Variants in ARAP2 observed in about 807,000 individuals in gnomAD.
The protein encoded by ARAP2 is ArfGAP with RhoGAP domain, ankyrin repeat and PH domain 2, also known as arf-GAP with Rho-GAP domain, ANK repeat and PH domain-containing protein 2.
ARAP2 carries 148 observed loss-of-function variants against 194.5 expected under a neutral mutation model. The observed-to-expected ratio is 0.76, with a 90% CI of 0.67 to 0.87. The LOEUF (loss-of-function observed/expected upper bound fraction) is 0.87, where lower values mean the gene tolerates loss of function less well. Ranked by LOEUF, ARAP2 falls within the 40% of genes least tolerant of loss-of-function variation. ARAP2 has a pLI of 0.00. For synonymous variants in ARAP2, 695 were observed against 683.5 expected (o/e 1.02, Z -0.26); for missense variants, 2,128 against 1,989.7 (o/e 1.07, Z -1.32).
chr4:36,163,545 G>T (rs1353966520), intron 11 of ARAP2, among the ~76,000 whole-genome samples: 2 of 152,070 alleles, frequency 1.3e-5, no homozygotes, highest in Non-Finnish European at 2.9e-5. Context: ...AAAAACCTAT[G>T]CACACTACAA....
intron 2 of ARAP2, among the ~76,000 whole-genome samples, chr4:36,224,947 C>T (rs567515237): frequency 2.0e-5 from 3 of 152,244 alleles, no homozygotes; most frequent in African/African-American, 4.8e-5. Context: ...GTACTTTTTG[C>T]TCATATGTAT....
At position 36,149,226 on chromosome 4, in the gene ARAP2, T is replaced by C. The variant is rs139414648; in HGVS notation, c.2898-719A>G. Among the ~76,000 whole-genome samples, 75 of 152,232 alleles carry C rather than the reference T, an allele frequency of 4.9e-4. No individual in the cohort carries two copies. In the East Asian group the frequency reaches 7.5e-3, roughly 15 times the overall value. On this transcript the variant is annotated intron_variant, in intron 16 of 32. Transcript: ENST00000303965. ...CTGTTGTATCCCCTTCATGTCCTAA[T>C]TTAGAAGCATCACAATCAATCTCAT... is the stretch of plus-strand genomic sequence containing the variant.
intron 6 of ARAP2, among the ~76,000 whole-genome samples, chr4:36,209,185 T>A (rs1746209981): frequency 6.6e-6 from 1 of 152,188 alleles, no homozygotes; most frequent in African/African-American, 2.4e-5. Flanking sequence ...TACTTGGATT[T>A]TATAAAAATG....
Position 36,068,232 on chromosome 4 carries a change from T to A in ARAP2, c.4790A>T (p.Asp1597Val). Residue 1597 changes from aspartate (D) to valine (V), a missense_variant, in exon 33 of 33, where the codon GAT (aspartate) becomes GTT (valine). Physicochemically the swap from Asp to Val is radical, Grantham distance 152 (BLOSUM62 -3). Transcript: ENST00000303965. ...LERLRLSEKCDKESVDSSLKE... is the reference protein window; with the variant it reads ...LERLRLSEKCVKESVDSSLKE... ...TAAGCTAGAGTCCACGGACTCTTTA[T>A]CACACTTTTCACTGAGCCGCAGCCT... 1 of 1,592,510 alleles carries A rather than the reference T, an allele frequency of 6.3e-7. No individual in the cohort carries two copies. Among genetic ancestry groups the A allele is most frequent in the Non-Finnish European group, 8.5e-7 (1 of 1,170,554 alleles).
chr4:36,044,030 A>C (rs1241319663), intron 5 of ARAP2, among the ~76,000 whole-genome samples: 1 of 152,192 alleles, frequency 6.6e-6, no homozygotes, highest in East Asian at 1.9e-4. Flanking sequence ...GACATAACTC[A>C]GGAAATGCGC....
chr4:36,239,348 A>G (rs1753061367), intron 1 of ARAP2, among the ~76,000 whole-genome samples: 1 of 152,216 alleles, frequency 6.6e-6, no homozygotes, highest in Admixed American at 6.5e-5. Context: ...GTGGTGCAAA[A>G]GTAGATAAGG....
Position 36,156,439 on chromosome 4 carries a change from GAAAGAGAAAGAAAGAAAGAAAGA to G in ARAP2, c.2752+2268_2752+2290del, listed in dbSNP as rs1560550094. ...AGAAAGAAAGAAAGAAAGAAAGAAA[GAAAGAGAAAGAAAGAAAGAAAGA>G]AAGAAATGAAAGAGAAGAAAGAAAG... On this transcript the variant is annotated intron_variant, in intron 15 of 32. Transcript: ENST00000303965. Among the ~76,000 whole-genome samples, 98 of 14,484 alleles carry G rather than the reference GAAAGAGAAAGAAAGAAAGAAAGA, an allele frequency of 6.8e-3. 9 individuals are homozygous for G. Among genetic ancestry groups the G allele is most frequent in the African/African-American group, 4.6e-3 (12 of 2,590 alleles). The allele number at this position is 14,484 out of a possible 152,430, so 9.5% of individuals were successfully genotyped here. A position where few individuals can be genotyped will look rare whatever the true frequency, so the allele number is the denominator to read the frequency against.
chr4:36,005,860 A>T (rs1713165843), intron 10 of ARAP2: 1 of 152,178 alleles, frequency 6.6e-6, no homozygotes, highest in Admixed American at 6.5e-5. Context: ...AAGGTTTAGG[A>T]TCTCTTTTTT....
Position 36,212,392 on chromosome 4 carries a change from A to G in ARAP2, c.1133+4T>C. The G allele has an allele frequency of 6.3e-7, 1 of 1,597,932 alleles. No individual in the cohort carries two copies. ...GTTAATCATCATCAATCATGATCTC[A>G]TACCTTGATTTGATGATAAAAGAGT... On this transcript the variant is annotated splice_donor_region_variant and intron_variant, in intron 5 of 32. Transcript: ENST00000303965.
At chr4:36,168,280 G>C (rs1206744030) in intron 9 of ARAP2, among the ~76,000 whole-genome samples, 1 of 152,126 alleles carries the variant, frequency 6.6e-6, no homozygotes, top group South Asian at 2.1e-4. Context: ...CCATCTTCTG[G>C]GGAAGTAACT....
At chr4:36,040,416 G>A (rs767551651) in intron 5 of ARAP2, among the ~76,000 whole-genome samples, 1 of 152,192 alleles carries the variant, frequency 6.6e-6, no homozygotes, top group African/African-American at 2.4e-5. Context: ...GCATTGAACC[G>A]GTAAATTGCT....
chr4:36,010,532 C>T (rs1714293872), intron 9 of ARAP2, among the ~76,000 whole-genome samples: 1 of 152,096 alleles, frequency 6.6e-6, no homozygotes, highest in Non-Finnish European at 1.5e-5. Context: ...CACTGATTCA[C>T]ATACAAGCAC....
chr4:36,073,891 A>C, intron 31 of ARAP2, 68 bp from the exon 32 acceptor site: 1 of 1,556,188 alleles, frequency 6.4e-7, no homozygotes, highest in Non-Finnish European at 8.7e-7. Flanking sequence ...TCATAAAGCC[A>C]CTTGGTTTCT....
At chr4:36,014,350 G>GA in intron 8 of ARAP2, among the ~76,000 whole-genome samples, 1 of 138,858 alleles carries the variant, frequency 7.2e-6, no homozygotes, top group South Asian at 2.1e-4. Context: ...AAGAAAGAAA[G>GA]AAAGAAAGAA....
Position 36,073,609 on chromosome 4 carries a change from T to A in ARAP2, c.4743+80A>T, listed in dbSNP as rs1727551087. On this transcript the variant is annotated intron_variant, in intron 32 of 32. Transcript: ENST00000303965. ...TATTGTGCTTTTGAAGCCAATGAAG[T>A]AATTAATGACCTAATCACATTATGA... is the stretch of plus-strand genomic sequence containing the variant. 1.4e-5 allele frequency: 21 copies of A among 1,475,106 alleles called. No individual in the cohort carries two copies. In the South Asian group the frequency reaches 2.6e-4, roughly 19 times the overall value. 91.4% of individuals were successfully genotyped at this position (1,475,106 alleles called of 1,614,324 possible).
At chr4:36,198,757 G>C (rs2109216342) in intron 6 of ARAP2, among the ~76,000 whole-genome samples, 1 of 152,362 alleles carries the variant, frequency 6.6e-6, no homozygotes, top group Non-Finnish European at 1.5e-5. Context: ...AGTTGGAGCA[G>C]ACATCTTTGA....
At chr4:36,099,740 T>C (rs1348474452) in intron 27 of ARAP2, among the ~76,000 whole-genome samples, 1 of 152,130 alleles carries the variant, frequency 6.6e-6, no homozygotes, top group Non-Finnish European at 1.5e-5. Flanking sequence ...CATTCTCTGC[T>C]AGATCGCAGA....
chr4:36,219,165 T>A (rs1185775781), intron 2 of ARAP2, among the ~76,000 whole-genome samples: 1 of 152,178 alleles, frequency 6.6e-6, no homozygotes, highest in African/African-American at 2.4e-5. Context: ...CCATTTTGCA[T>A]TATCTACAAA....
intron 6 of ARAP2, among the ~76,000 whole-genome samples, chr4:36,017,680 A>G (rs1046228134): frequency 2.0e-5 from 3 of 151,412 alleles, no homozygotes; most frequent in Non-Finnish European, 4.4e-5. Flanking sequence ...AGTAAATCTC[A>G]TGACTGCAGT....
Sources: gnomAD v4.1 joint callset for allele counts (sites outside exome capture counted in the v4.1 genomes callset) on GRCh38, gnomAD v4.1.1 for gene constraint, MANE v1.5 for transcripts, NCBI Gene and HGNC (gene_info 2026-07-23, HGNC 2026-07-21) for gene names.